The following ACBD5 variants were observed in gnomAD, a reference collection of about 807,000 sequenced individuals.
The protein encoded by ACBD5 is acyl-CoA-binding domain-containing protein 5.
In ACBD5, 40 loss-of-function variants were observed where a neutral mutation model predicts 71.8. That is an observed-to-expected ratio of 0.56 (90% CI 0.43 to 0.72). The LOEUF (loss-of-function observed/expected upper bound fraction) is 0.72. Among genes scored for constraint, ACBD5 ranks in the 30% least tolerant of loss-of-function variants. The probability of loss-of-function intolerance (pLI) is 0.00; values close to 1 mark genes in which losing one functional copy is unlikely to be tolerated. For synonymous variants in ACBD5, 229 were observed against 218.6 expected, an observed-to-expected ratio of 1.05 and a Z score of -0.42; for missense variants, 559 against 644.5, an observed-to-expected ratio of 0.87 and a Z score of 1.44.
At position 27,195,868 on chromosome 10, in the gene ACBD5, A is replaced by G. The variant is rs765957849; in HGVS notation, c.*1562T>C. On this transcript the variant is annotated 3_prime_UTR_variant, in exon 13 of 13. Transcript: ENST00000396271. The stretch of plus-strand genomic sequence containing the variant: ...TTATTTAAAACACTGTGAACATATG[A>G]TGTTAAACCCAACATCATACATCTT... The G allele has an allele frequency of 6.6e-5, 30 of 453,058 alleles. No homozygotes were observed. The highest frequency in any genetic ancestry group is 5.4e-4 in the Admixed American group (23 of 42,286). 28.1% of individuals were successfully genotyped at this position (453,058 alleles called of 1,614,324 possible). A position where few individuals can be genotyped will look rare whatever the true frequency, so the allele number is the denominator to read the frequency against.
intron 7 of ACBD5, 118 bp downstream of exon 7, chr10:27,217,862 G>A (rs2061845568): frequency 4.3e-6 from 4 of 920,424 alleles, no homozygotes; most frequent in East Asian, 5.3e-5. Context: ...ATATTAATAA[G>A]CCCTAAGATA....
intron 8 of ACBD5, among the ~76,000 whole-genome samples, chr10:27,211,965 G>A (rs2061128231): frequency 1.3e-5 from 2 of 152,052 alleles, no homozygotes; most frequent in Admixed American, 6.6e-5. Flanking sequence ...AGTGGGGGTG[G>A]GGGTAGGAAG....
intron 11 of ACBD5, 144 bp from the exon 12 acceptor site, chr10:27,204,693 A>G: frequency 1.5e-6 from 1 of 688,950 alleles, no homozygotes; most frequent in Admixed American, 2.2e-5. Flanking sequence ...GATATTCTGC[A>G]TTTCAGAGTA....
At chr10:27,187,910 A>G (rs192737441) in intron 13 of ACBD5, among the ~76,000 whole-genome samples, 6 of 152,346 alleles carry the variant, frequency 3.9e-5, no homozygotes, top group Admixed American at 6.5e-5. Context: ...TTAAAAAACA[A>G]AACATAATTT....
intron 2 of ACBD5, among the ~76,000 whole-genome samples, chr10:27,237,612 A>T (rs927491432): frequency 3.6e-5 from 5 of 139,646 alleles, no homozygotes; most frequent in East Asian, 2.1e-4. Context: ...GTACCATTTG[A>T]TAGGATATCT....
downstream of ACBD5, among the ~76,000 whole-genome samples, chr10:27,192,136 G>A (rs1405874964): frequency 6.6e-6 from 1 of 152,022 alleles, no homozygotes; most frequent in Non-Finnish European, 1.5e-5. Flanking sequence ...GATGGAAAAG[G>A]AGACAGGACA....
upstream of ACBD5, among the ~76,000 whole-genome samples, chr10:27,241,148 C>G (rs117474840): frequency 3.7e-4 from 57 of 152,330 alleles, no homozygotes; most frequent in East Asian, 0.011. Flanking sequence ...CGCTGGGCAA[C>G]AAAAATGACT....
rs1248936926 is a variant in ACBD5, at chr10:27,197,045, T to A, written c.*385A>T. The A allele has an allele frequency of 2.2e-6, 1 of 445,348 alleles. No individual in the cohort carries two copies. The highest frequency in any genetic ancestry group is 4.4e-6 in the Non-Finnish European group (1 of 224,732). 27.6% of individuals were successfully genotyped at this position (445,348 alleles called of 1,614,324 possible). A position where few individuals can be genotyped will look rare whatever the true frequency, so the allele number is the denominator to read the frequency against. Reference sequence around the variant, plus strand: ...ATTTAATTTAGAAAATTAAAAATAATAACTTATAAATTTGATCTCATTATC... The same window carrying A: ...ATTTAATTTAGAAAATTAAAAATAAAAACTTATAAATTTGATCTCATTATC... On this transcript the variant is annotated 3_prime_UTR_variant, in exon 13 of 13. Transcript: ENST00000396271.
In ACBD5 at chr10:27,197,629, C is replaced by G. The variant is rs16927620; in HGVS notation, c.1566-187G>C. ...ATCCAATTACAAGTGCTGAAATTAC[C>G]AAACAGTTTTAAATTATTTATTTAT... On this transcript the variant is annotated intron_variant, in intron 12 of 12. Coordinates refer to ENST00000396271, the MANE Select transcript of ACBD5 (RefSeq NM_145698.5). Among the ~76,000 whole-genome samples, 6,685 of 152,148 alleles carry G rather than the reference C, an allele frequency of 0.044. 166 individuals are homozygous for G. Among genetic ancestry groups the G allele is most frequent in the African/African-American group, 0.066 (2,740 of 41,500 alleles).
At chr10:27,203,444 TA>T (rs2060139640) in intron 12 of ACBD5, among the ~76,000 whole-genome samples, 1 of 152,142 alleles carries the variant, frequency 6.6e-6, no homozygotes, top group African/African-American at 2.4e-5. Context: ...GCCCTTAAAT[TA>T]AAGTAACCTC....
chr10:27,187,728 G>A (rs1317645216), intron 13 of ACBD5, among the ~76,000 whole-genome samples: 1 of 149,176 alleles, frequency 6.7e-6, no homozygotes, highest in Non-Finnish European at 1.5e-5. Flanking sequence ...TTTCAGCCTG[G>A]GCAACAGAAT....
intron 4 of ACBD5, among the ~76,000 whole-genome samples, chr10:27,229,068 C>T (rs2063518575): frequency 6.7e-6 from 1 of 149,704 alleles, no homozygotes; most frequent in Non-Finnish European, 1.5e-5. Flanking sequence ...GTGATCCGCC[C>T]GCCTCGGCTT....
chr10:27,187,851 TATTGTC>T (rs2058861953), intron 13 of ACBD5, among the ~76,000 whole-genome samples: 1 of 152,220 alleles, frequency 6.6e-6, no homozygotes, highest in South Asian at 2.1e-4. Context: ...CTTTACATCT[TATTGTC>T]ATTTATTTAA....
intron 12 of ACBD5, among the ~76,000 whole-genome samples, chr10:27,203,827 G>GCAT (rs1278669614): frequency 1.3e-5 from 2 of 151,986 alleles, no homozygotes; most frequent in African/African-American, 2.4e-5. Flanking sequence ...AATAGAGACA[G>GCAT]CATCTCCCTA....
At chr10:27,215,476 C>T (rs2061521577) in intron 8 of ACBD5, 59 bp downstream of exon 8, 10 of 1,090,994 alleles carry the variant, frequency 9.2e-6, no homozygotes, top group East Asian at 4.9e-5. Flanking sequence ...ACAGAAGTTA[C>T]GCATTGAATT....
chr10:27,201,747 G>A (rs2059950825), intron 12 of ACBD5, among the ~76,000 whole-genome samples: 1 of 152,176 alleles, frequency 6.6e-6, no homozygotes, highest in Non-Finnish European at 1.5e-5. Flanking sequence ...AGGTTGCAGT[G>A]AGCCGAGATC....
Position 27,210,962 on chromosome 10 carries a change from G to C in ACBD5, c.1056C>G (p.Gly352=), listed in dbSNP as rs1345627823. 6.2e-7 allele frequency: 1 copy of C among 1,614,048 alleles called. No homozygotes were observed. The highest frequency in any genetic ancestry group is 1.1e-5 in the South Asian group (1 of 91,070). ...REDIQVPPGN[G]NIGNMQVVAV... ...CAACCACCTGCATATTCCCAATGTT[G>C]CCATTTCCAGGAGGTACTTGAATAT... Residue 352 remains glycine, a synonymous_variant, in exon 9 of 13, where the codon GGC becomes GGG. Transcript: ENST00000396271.
At chr10:27,239,638 GT>G (rs1434154874) in intron 2 of ACBD5, among the ~76,000 whole-genome samples, 1 of 151,432 alleles carries the variant, frequency 6.6e-6, no homozygotes, top group Non-Finnish European at 1.5e-5. Flanking sequence ...ATTGACTATA[GT>G]TATTCTTTCT....
At chr10:27,204,367 T>C (rs1001431963) in intron 12 of ACBD5, 73 bp downstream of exon 12, 13 of 1,094,194 alleles carry the variant, frequency 1.2e-5, no homozygotes, top group African/African-American at 6.2e-5. Flanking sequence ...CATCCCTTAA[T>C]TGCTGCTGAA....
Sources: gnomAD v4.1 joint callset for allele counts (sites outside exome capture counted in the v4.1 genomes callset) on GRCh38, gnomAD v4.1.1 for gene constraint, MANE v1.5 for transcripts, NCBI Gene and HGNC (gene_info 2026-07-23, HGNC 2026-07-21) for gene names.